Variants in SKIC3 observed in about 807,000 individuals in gnomAD.
SKIC3 encodes superkiller complex protein 3.
chr5:95,493,189 C>T, the SKIC3 span, among the ~76,000 whole-genome samples: 1 of 152,182 alleles, frequency 6.6e-6, no homozygotes, highest in Non-Finnish European at 1.5e-5. Flanking sequence ...AAGTGTACAG[C>T]CACTACACAT....
chr5:95,536,733 G>C, the SKIC3 span: 2 of 1,080,462 alleles, frequency 1.9e-6, no homozygotes, highest in Non-Finnish European at 2.9e-6. Flanking sequence ...AAACATGGTA[G>C]ACACTAAAAC....
At chr5:95,525,064 A>G in the SKIC3 span, among the ~76,000 whole-genome samples, 1 of 151,826 alleles carries the variant, frequency 6.6e-6, no homozygotes, top group Non-Finnish European at 1.5e-5. Context: ...TTGTATTTTT[A>G]GTAGAGATGG....
the SKIC3 span, chr5:95,528,022 C>T: frequency 2.2e-5 from 36 of 1,613,496 alleles, no homozygotes; most frequent in Non-Finnish European, 2.8e-5. Flanking sequence ...CCTGATCAAG[C>T]GTACGAATTG....
At chr5:95,494,721 C>T in the SKIC3 span, 5 of 1,613,478 alleles carry the variant, frequency 3.1e-6, no homozygotes, top group East Asian at 8.9e-5. Flanking sequence ...GTCTTTAGTG[C>T]AGTATTTTTT....
the SKIC3 span, among the ~76,000 whole-genome samples, chr5:95,544,460 T>C: frequency 8.5e-5 from 13 of 152,316 alleles, no homozygotes; most frequent in African/African-American, 3.1e-4. Flanking sequence ...AAATGGCCAA[T>C]CTTCTCTTTG....
At chr5:95,476,007 C>T in the SKIC3 span, among the ~76,000 whole-genome samples, 4 of 152,248 alleles carry the variant, frequency 2.6e-5, no homozygotes, top group Non-Finnish European at 5.9e-5. Context: ...ATCATTCACT[C>T]CATGCCCACA....
chr5:95,518,153 G>C, the SKIC3 span, among the ~76,000 whole-genome samples: 1 of 152,006 alleles, frequency 6.6e-6, no homozygotes, highest in Non-Finnish European at 1.5e-5. Flanking sequence ...AAATATATTT[G>C]GTAAGATCTG....
At chr5:95,552,624 C>T in the SKIC3 span, among the ~76,000 whole-genome samples, 5 of 152,006 alleles carry the variant, frequency 3.3e-5, no homozygotes, top group Non-Finnish European at 7.4e-5. Context: ...CATCTGTGAC[C>T]CACACTTTCC....
the SKIC3 span, among the ~76,000 whole-genome samples, chr5:95,488,434 G>A: frequency 6.6e-6 from 1 of 152,024 alleles, no homozygotes; most frequent in Non-Finnish European, 1.5e-5. Context: ...AAAACATAAA[G>A]AGAAGAGCAT....
the SKIC3 span, among the ~76,000 whole-genome samples, chr5:95,500,983 GCTTA>G: frequency 6.6e-6 from 1 of 151,986 alleles, no homozygotes; most frequent in Non-Finnish European, 1.5e-5. Flanking sequence ...GAAGTAAACA[GCTTA>G]CTTAAAGTAT....
the SKIC3 span, among the ~76,000 whole-genome samples, chr5:95,497,685 TAAG>T: frequency 6.6e-6 from 1 of 151,750 alleles, no homozygotes; most frequent in Non-Finnish European, 1.5e-5. Context: ...TTTATGAAAA[TAAG>T]AAGAAAAAAA....
At chr5:95,494,342 C>T in the SKIC3 span, among the ~76,000 whole-genome samples, 4 of 152,068 alleles carry the variant, frequency 2.6e-5, no homozygotes, top group African/African-American at 9.7e-5. Context: ...ATAAACTTTG[C>T]TCCTATAAAT....
the SKIC3 span, chr5:95,517,395 T>G: frequency 6.6e-7 from 1 of 1,526,176 alleles, no homozygotes; most frequent in South Asian, 1.2e-5. Context: ...TGATTATTAC[T>G]TAAAACAGAA....
At chr5:95,493,814 A>C in the SKIC3 span, among the ~76,000 whole-genome samples, 1 of 151,344 alleles carries the variant, frequency 6.6e-6, no homozygotes, top group Admixed American at 6.6e-5. Flanking sequence ...TTCATATTTA[A>C]AATAATATTA....
chr5:95,520,846 A>T, the SKIC3 span: 3 of 1,470,022 alleles, frequency 2.0e-6, no homozygotes, highest in Admixed American at 3.4e-5. Flanking sequence ...TGTCACTGTT[A>T]TTAAAACATA....
chr5:95,531,170 C>T, the SKIC3 span, among the ~76,000 whole-genome samples: 1 of 152,050 alleles, frequency 6.6e-6, no homozygotes, highest in African/African-American at 2.4e-5. Context: ...AAATTATTTG[C>T]ATAATACCAT....
the SKIC3 span, among the ~76,000 whole-genome samples, chr5:95,468,446 G>A: frequency 2.0e-5 from 3 of 152,100 alleles, no homozygotes; most frequent in Non-Finnish European, 4.4e-5. Context: ...TACATTACAG[G>A]CTATGTATAT....
the SKIC3 span, among the ~76,000 whole-genome samples, chr5:95,551,268 C>T: frequency 6.6e-6 from 1 of 151,380 alleles, no homozygotes; most frequent in Non-Finnish European, 1.5e-5. Flanking sequence ...TTCTGTCAAA[C>T]AAAAAACAAT....
the SKIC3 span, among the ~76,000 whole-genome samples, chr5:95,518,219 TAC>T: frequency 6.6e-6 from 1 of 152,074 alleles, no homozygotes; most frequent in Admixed American, 6.6e-5. Flanking sequence ...ATTGATGAGG[TAC>T]AGAGATGTTT....
Sources: allele counts gnomAD v4.1 joint callset (sites outside exome capture counted in the v4.1 genomes callset), GRCh38; gene constraint gnomAD v4.1.1; transcripts MANE v1.5; gene names NCBI Gene and HGNC (gene_info 2026-07-23, HGNC 2026-07-21).